Variants in CAPZB observed in about 807,000 individuals in gnomAD.
CAPZB encodes the protein F-actin-capping protein subunit beta.
Under a neutral mutation model 38.1 loss-of-function variants are expected in CAPZB, and 2 were observed. The ratio of observed to expected loss-of-function variants is 0.05; its 90% CI spans 0.02 to 0.17. CAPZB has a LOEUF of 0.17. CAPZB is among the 10% of genes least tolerant of loss of function. CAPZB has a pLI of 1.00. For missense variants in CAPZB, 161 were observed against 334.2 expected (o/e 0.48, Z 4.04); for synonymous variants, 107 against 127.4 (o/e 0.84, Z 1.08).
chr1:19,381,100 C>T (rs1208886494), intron 3 of CAPZB, among the ~76,000 whole-genome samples: 2 of 151,840 alleles, frequency 1.3e-5, no homozygotes, highest in East Asian at 1.9e-4. Flanking sequence ...ACCCAGAAGG[C>T]GGAGGCTGCA....
At chr1:19,389,809 A>G (rs2094223124) in intron 2 of CAPZB, among the ~76,000 whole-genome samples, 1 of 152,226 alleles carries the variant, frequency 6.6e-6, no homozygotes, top group Non-Finnish European at 1.5e-5. Flanking sequence ...GGCCTGGCCC[A>G]AACTCCAACT....
In CAPZB at chr1:19,345,673, C is replaced by T. The variant is rs1273763982; in HGVS notation, c.589-421G>A. On this transcript the variant is annotated intron_variant, in intron 6 of 8. Transcript: ENST00000264202. Reference sequence around the variant, plus strand: ...TCAGGGCCTGACACTGCAGGGGAAGCTTCTGTGCTGCTGCTGCGCCCTGGC... The same window carrying T: ...TCAGGGCCTGACACTGCAGGGGAAGTTTCTGTGCTGCTGCTGCGCCCTGGC... Among the ~76,000 whole-genome samples, 4 of 152,266 alleles carry T rather than the reference C, an allele frequency of 2.6e-5. No individual in the cohort carries two copies. In the East Asian group the frequency reaches 7.7e-4, roughly 29 times the overall value.
intron 7 of CAPZB, 77 bp downstream of exon 7, chr1:19,345,110 C>T: frequency 1.8e-6 from 2 of 1,110,860 alleles, no homozygotes; most frequent in Non-Finnish European, 2.8e-6. Context: ...GAGAAGGAGG[C>T]CAGCACAGCG....
intron 1 of CAPZB, among the ~76,000 whole-genome samples, chr1:19,469,142 C>T (rs12068551): frequency 6.6e-6 from 1 of 152,146 alleles, no homozygotes; most frequent in African/African-American, 2.4e-5. Flanking sequence ...TCAAAGGAAG[C>T]TTGGCGGTGA....
At chr1:19,403,021 C>T (rs771116451) in intron 2 of CAPZB, among the ~76,000 whole-genome samples, 2 of 152,118 alleles carry the variant, frequency 1.3e-5, no homozygotes, top group South Asian at 2.1e-4. Context: ...CACACTCCAG[C>T]CTGGGCAACA....
intron 4 of CAPZB, among the ~76,000 whole-genome samples, chr1:19,358,912 C>T (rs558329007): frequency 6.6e-6 from 1 of 152,320 alleles, no homozygotes; most frequent in South Asian, 2.1e-4. Context: ...GTCAGACAGA[C>T]CCAATGACAG....
intron 2 of CAPZB, among the ~76,000 whole-genome samples, chr1:19,391,255 T>C (rs563124232): frequency 6.6e-6 from 1 of 152,180 alleles, no homozygotes; most frequent in South Asian, 2.1e-4. Context: ...AAACTTGAGA[T>C]GAACCCTTAA....
chr1:19,432,595 GC>G, intron 1 of CAPZB, among the ~76,000 whole-genome samples: 1 of 152,228 alleles, frequency 6.6e-6, no homozygotes, highest in Non-Finnish European at 1.5e-5. Context: ...GCTAAGGGTG[GC>G]CCGGCATGGG....
rs545344985 is a variant in CAPZB at position 19,413,127 on chromosome 1, A to C, written c.93+6534T>G. On this transcript the variant is annotated intron_variant, in intron 2 of 8. Transcript: ENST00000264202. ...GAGCTTATTCACTGGTCAATGACCAATGGCCTGAGAGAATCCAACTAGGGT... is the reference window on the plus strand; with the variant it reads ...GAGCTTATTCACTGGTCAATGACCACTGGCCTGAGAGAATCCAACTAGGGT... Among the ~76,000 whole-genome samples the C allele has an allele frequency of 3.6e-4, 55 of 152,332 alleles. 1 individual carries two copies. Among genetic ancestry groups the C allele is most frequent in the East Asian group, 2.1e-3 (11 of 5,180 alleles).
chr1:19,363,234 A>C (rs2100346389), intron 4 of CAPZB, among the ~76,000 whole-genome samples: 1 of 143,936 alleles, frequency 6.9e-6, no homozygotes, highest in Non-Finnish European at 1.5e-5. Flanking sequence ...GGCATGCACC[A>C]CCATGCATGG....
In CAPZB at chr1:19,422,920, C is replaced by G. The variant is rs554250218; in HGVS notation, c.4-3170G>C. On this transcript the variant is annotated intron_variant, in intron 1 of 8. Transcript: ENST00000264202. The stretch of plus-strand genomic sequence containing the variant: ...AACACAGAAGGGATTAACTAGAAAA[C>G]TGAGCAGTGTTATCTAGGAAAAGAC... Among the ~76,000 whole-genome samples, 57 of 152,278 alleles carry G rather than the reference C, an allele frequency of 3.7e-4. 1 individual carries two copies. The South Asian group carries it at 0.012, about 31-fold the overall frequency.
At chr1:19,404,830 C>T (rs1417505206) in intron 2 of CAPZB, among the ~76,000 whole-genome samples, 1 of 152,088 alleles carries the variant, frequency 6.6e-6, no homozygotes, top group Non-Finnish European at 1.5e-5. Flanking sequence ...TGATTTGCAC[C>T]AAGTATTTTC....
intron 4 of CAPZB, among the ~76,000 whole-genome samples, chr1:19,369,592 G>T (rs1313572938): frequency 2.0e-5 from 3 of 152,232 alleles, no homozygotes; most frequent in African/African-American, 4.8e-5. Flanking sequence ...CTGTGGACAT[G>T]CCAGAAGCCA....
intron 3 of CAPZB, among the ~76,000 whole-genome samples, chr1:19,384,555 G>C (rs1182835298): frequency 2.0e-5 from 3 of 152,236 alleles, no homozygotes; most frequent in African/African-American, 7.2e-5. Flanking sequence ...ACAGGGAGCT[G>C]TGCTGGTTTG....
chr1:19,442,922 T>A (rs1302440941), intron 1 of CAPZB, among the ~76,000 whole-genome samples: 1 of 152,122 alleles, frequency 6.6e-6, no homozygotes. Flanking sequence ...TCTACGCCAG[T>A]GGTGCTGAAG....
intron 4 of CAPZB, among the ~76,000 whole-genome samples, chr1:19,365,553 G>A (rs929223821): frequency 6.6e-6 from 1 of 152,098 alleles, no homozygotes; most frequent in Non-Finnish European, 1.5e-5. Context: ...AAACCAGGCC[G>A]GGCATGGTGG....
intron 6 of CAPZB, among the ~76,000 whole-genome samples, chr1:19,348,610 CAGAGGGGGGACCGAGCAGTGAGAGA>C (rs2093975050): frequency 6.6e-6 from 1 of 152,012 alleles, no homozygotes; most frequent in Non-Finnish European, 1.5e-5. Context: ...CTGTAGATGG[CAGAGGGGGGACCGAGCAGTGAGAGA>C]ACATCACGGC....
chr1:19,470,364 C>A (rs1308233610), intron 1 of CAPZB, among the ~76,000 whole-genome samples: 1 of 152,144 alleles, frequency 6.6e-6, no homozygotes, highest in Non-Finnish European at 1.5e-5. Flanking sequence ...TCAAAGGGAC[C>A]TGGGCTTGAA....
At chr1:19,376,418 G>A (rs2094144988) in intron 4 of CAPZB, among the ~76,000 whole-genome samples, 1 of 152,186 alleles carries the variant, frequency 6.6e-6, no homozygotes, top group African/African-American at 2.4e-5. Context: ...GGCCAATTTT[G>A]CCCAAATCTC....
Sources: allele counts gnomAD v4.1 joint callset (sites outside exome capture counted in the v4.1 genomes callset), GRCh38; gene constraint gnomAD v4.1.1; transcripts MANE v1.5; gene names NCBI Gene and HGNC (gene_info 2026-07-23, HGNC 2026-07-21).